PRKCB: variants seen among roughly 807,000 people sequenced by gnomAD.
PRKCB encodes protein kinase C beta, also known as protein kinase C beta type.
Under a neutral mutation model 81.5 loss-of-function variants are expected in PRKCB, and 13 were observed. That is an observed-to-expected ratio of 0.16 (90% CI 0.10 to 0.25). The LOEUF (loss-of-function observed/expected upper bound fraction) is 0.25, where lower values mean the gene tolerates loss of function less well. Among genes scored for constraint, PRKCB ranks in the 10% least tolerant of loss-of-function variants. The probability of loss-of-function intolerance (pLI) is 1.00; values close to 1 mark genes in which losing one functional copy is unlikely to be tolerated. For missense variants in PRKCB, 509 were observed against 875.7 expected (o/e 0.58, Z 5.29); for synonymous variants, 335 against 321.4 (o/e 1.04, Z -0.45).
At chr16:23,917,798 C>T (rs1413615410) in intron 2 of PRKCB, among the ~76,000 whole-genome samples, 1 of 152,128 alleles carries the variant, frequency 6.6e-6, no homozygotes, top group African/African-American at 2.4e-5. Flanking sequence ...TCTGGCAAGA[C>T]ATTAGTGGGT....
At chr16:24,139,899 G>C (rs777531407) in intron 9 of PRKCB, among the ~76,000 whole-genome samples, 5 of 152,182 alleles carry the variant, frequency 3.3e-5, no homozygotes, top group Non-Finnish European at 5.9e-5. Flanking sequence ...AAGTGCTGCA[G>C]TCCTACCTAC....
At chr16:23,925,370 C>T (rs1389189976) in intron 2 of PRKCB, among the ~76,000 whole-genome samples, 3 of 152,044 alleles carry the variant, frequency 2.0e-5, no homozygotes, top group Admixed American at 2.0e-4. Context: ...TCAGACCTGA[C>T]TGGTCATTGG....
intron 2 of PRKCB, among the ~76,000 whole-genome samples, chr16:23,866,990 TCC>T (rs1962806166): frequency 2.9e-5 from 2 of 69,638 alleles, no homozygotes; most frequent in African/African-American, 1.2e-4. Flanking sequence ...TTCCTTCCCT[TCC>T]TTCCCTTCCT....
chr16:23,889,116 GTCCA>G (rs60798460), intron 2 of PRKCB, among the ~76,000 whole-genome samples: 11,535 of 147,508 alleles, frequency 0.078, 708 homozygotes, highest in African/African-American at 0.17. Context: ...CTGTTCACTC[GTCCA>G]TCCATCCATC....
At chr16:23,978,624 G>A (rs977539447) in intron 2 of PRKCB, among the ~76,000 whole-genome samples, 2 of 152,194 alleles carry the variant, frequency 1.3e-5, no homozygotes, top group African/African-American at 4.8e-5. Context: ...GGTTAATGCC[G>A]CCTGGCTGGA....
chr16:23,923,714 A>G (rs1373438425), intron 2 of PRKCB, among the ~76,000 whole-genome samples: 1 of 152,004 alleles, frequency 6.6e-6, no homozygotes, highest in Admixed American at 6.6e-5. Context: ...AGCTCTAATA[A>G]TGACAGGGTT....
In PRKCB at chr16:24,092,945, A is replaced by T. The variant is rs1477583963; in HGVS notation, c.684A>T (p.Arg228Ser). Reference protein sequence around the residue: ...SLNPEWNETFRFQLKESDKDR... With the variant: ...SLNPEWNETFSFQLKESDKDR... The stretch of plus-strand genomic sequence containing the variant: ...ACCCTGAGTGGAATGAGACATTTAG[A>T]TTGTAAGTGGAAATGACTGCAGTGA... The change falls in exon 6 of 17, where the codon AGA becomes AGT. Residue 228 changes from arginine to serine, a missense_variant and splice_region_variant. Physicochemically the swap from Arg to Ser is moderately radical, Grantham distance 110 (BLOSUM62 -1). This residue lies in a region of PRKCB where 184 missense variants were observed against 362.9 expected (regional missense o/e 0.51). Transcript: ENST00000643927. 7 of 1,613,338 alleles carry T rather than the reference A, an allele frequency of 4.3e-6. No homozygotes were observed. The highest frequency in any genetic ancestry group is 5.9e-6 in the Non-Finnish European group (7 of 1,179,940).
chr16:23,933,395 CT>C (rs1316824598), intron 2 of PRKCB, among the ~76,000 whole-genome samples: 1 of 152,050 alleles, frequency 6.6e-6, no homozygotes, highest in Non-Finnish European at 1.5e-5. Context: ...TGATGAGCCC[CT>C]TTTGGTTAAG....
intron 8 of PRKCB, among the ~76,000 whole-genome samples, chr16:24,116,215 T>C (rs1471718737): frequency 3.9e-5 from 6 of 152,050 alleles, no homozygotes; most frequent in Admixed American, 2.6e-4. Context: ...AGTTTGTTTG[T>C]TGAAAGAAAC....
intron 2 of PRKCB, among the ~76,000 whole-genome samples, chr16:23,945,675 G>A (rs888341162): frequency 6.6e-6 from 1 of 152,066 alleles, no homozygotes; most frequent in African/African-American, 2.4e-5. Context: ...GGGAGGGAGA[G>A]AATCAGCAAT....
chr16:23,870,385 A>G (rs1962884352), intron 2 of PRKCB, among the ~76,000 whole-genome samples: 1 of 152,192 alleles, frequency 6.6e-6, no homozygotes, highest in South Asian at 2.1e-4. Flanking sequence ...AGCATGTGGT[A>G]TGTGCCAGGT....
At position 24,217,370 on chromosome 16, in the gene PRKCB, A is replaced by G; in HGVS notation, c.*2554A>G. ...TCCAGTGCAGAAGAAACTGAGAAAC[A>G]GAGCTTTTTGAAGAGAGGACAGGGC... On this transcript the variant is annotated 3_prime_UTR_variant, in exon 17 of 17. Coordinates refer to ENST00000643927, the MANE Select transcript of PRKCB (RefSeq NM_002738.7). 1.0e-6 allele frequency: 1 copy of G among 985,440 alleles called. No homozygotes were observed. Among genetic ancestry groups the G allele is most frequent in the African/African-American group, 1.7e-5 (1 of 57,356 alleles). 61.0% of individuals were successfully genotyped at this position (985,440 alleles called of 1,614,324 possible). A position where few individuals can be genotyped will look rare whatever the true frequency, so the allele number is the denominator to read the frequency against.
chr16:23,946,458 G>C (rs1364801796), intron 2 of PRKCB, among the ~76,000 whole-genome samples: 1 of 152,178 alleles, frequency 6.6e-6, no homozygotes, highest in African/African-American at 2.4e-5. Flanking sequence ...GCGGTAAAGG[G>C]TAAGTTATAT....
intron 2 of PRKCB, among the ~76,000 whole-genome samples, chr16:23,887,498 T>G (rs563372819): frequency 6.6e-6 from 1 of 152,360 alleles, no homozygotes; most frequent in South Asian, 2.1e-4. Flanking sequence ...GGCCTTCAGC[T>G]GCATCCATGT....
At chr16:24,179,956 T>A (rs1022349323) in intron 12 of PRKCB, among the ~76,000 whole-genome samples, 1 of 152,158 alleles carries the variant, frequency 6.6e-6, no homozygotes, top group African/African-American at 2.4e-5. Context: ...AACATTTTTT[T>A]TTTTTCAAGA....
At chr16:23,935,560 T>A (rs1964046961) in intron 2 of PRKCB, among the ~76,000 whole-genome samples, 1 of 152,098 alleles carries the variant, frequency 6.6e-6, no homozygotes, top group Non-Finnish European at 1.5e-5. Context: ...AAATCTCTTT[T>A]AAAATAGTGT....
intron 2 of PRKCB, among the ~76,000 whole-genome samples, chr16:23,939,258 A>G (rs1005306092): frequency 2.6e-5 from 4 of 152,234 alleles, no homozygotes; most frequent in African/African-American, 9.6e-5. Context: ...ATGAAGACAT[A>G]CTGTGTTCAT....
At chr16:23,878,926 A>G (rs1040135575) in intron 2 of PRKCB, among the ~76,000 whole-genome samples, 9 of 152,082 alleles carry the variant, frequency 5.9e-5, no homozygotes, top group African/African-American at 2.2e-4. Context: ...CTGTAATCCT[A>G]GCACTTTGGG....
chr16:23,887,755 T>A (rs1280785039), intron 2 of PRKCB, among the ~76,000 whole-genome samples: 1 of 152,244 alleles, frequency 6.6e-6, no homozygotes, highest in Non-Finnish European at 1.5e-5. Flanking sequence ...TATTTTTAGT[T>A]CTTTGAGAAG....
Sources: allele counts gnomAD v4.1 joint callset (sites outside exome capture counted in the v4.1 genomes callset), GRCh38; gene constraint gnomAD v4.1.1; regional missense constraint gnomAD v4.1.1; transcripts MANE v1.5; gene names NCBI Gene and HGNC (gene_info 2026-07-23, HGNC 2026-07-21).